SDK1: variants seen among roughly 807,000 people sequenced by gnomAD.
The protein encoded by SDK1 is protein sidekick-1.
Under a neutral mutation model 245.5 loss-of-function variants are expected in SDK1, and 157 were observed. The observed-to-expected ratio is 0.64, with a 90% CI of 0.56 to 0.73. The LOEUF (loss-of-function observed/expected upper bound fraction) is 0.73. SDK1 is among the 30% of genes least tolerant of loss of function. The pLI is 0.00. For synonymous variants in SDK1, 1,647 were observed against 1,278.5 expected, an observed-to-expected ratio of 1.29 and a Z score of -6.15; for missense variants, 3,583 against 3,002.3, an observed-to-expected ratio of 1.19 and a Z score of -4.52.
chr7:4,146,188 G>A (rs558587037), intron 29 of SDK1, among the ~76,000 whole-genome samples: 5 of 151,366 alleles, frequency 3.3e-5, no homozygotes, highest in South Asian at 4.2e-4. Flanking sequence ...TGCTCTCTCC[G>A]ACACGTGAGC....
At chr7:3,366,959 C>G (rs1362316097) in intron 1 of SDK1, among the ~76,000 whole-genome samples, 2 of 152,144 alleles carry the variant, frequency 1.3e-5, no homozygotes, top group East Asian at 1.9e-4. Flanking sequence ...CCAGGATGGT[C>G]TCGATCTCCT....
chr7:4,257,541 G>C (rs1401131095), intron 44 of SDK1, among the ~76,000 whole-genome samples: 1 of 152,210 alleles, frequency 6.6e-6, no homozygotes, highest in African/African-American at 2.4e-5. Context: ...TTCTCAAAGA[G>C]GCAATGACAG....
Position 3,354,042 on chromosome 7 carries a change from G to C in SDK1, c.298+52158G>C, listed in dbSNP as rs555203788. Among the ~76,000 whole-genome samples, 18 of 151,054 alleles carry C rather than the reference G, an allele frequency of 1.2e-4. 1 individual carries two copies. Among genetic ancestry groups the C allele is most frequent in the African/African-American group, 4.1e-4 (17 of 41,094 alleles). ...GACTCTCGCTCTGTTGCCCAGGCTG[G>C]AGTGCAGTGGCGAGATCTCGGCTCG... On this transcript the variant is annotated intron_variant, in intron 1 of 44. Coordinates refer to ENST00000404826, the MANE Select transcript of SDK1 (RefSeq NM_152744.4).
chr7:4,259,966 C>G (rs2128243197), intron 44 of SDK1, among the ~76,000 whole-genome samples: 1 of 152,338 alleles, frequency 6.6e-6, no homozygotes, highest in Admixed American at 6.5e-5. Flanking sequence ...TCATAGGATC[C>G]TCAGCCAGTT....
In SDK1 at chr7:3,301,508, C is replaced by G. The variant is rs1307161690; in HGVS notation, c.-79C>G. On this transcript the variant is annotated 5_prime_UTR_variant, in exon 1 of 45. Coordinates refer to ENST00000404826, the MANE Select transcript of SDK1 (RefSeq NM_152744.4). ...GGGCGCCGCGCCTCCCGCGGAGTGG[C>G]CGCGCCCGCTCGGAGCCGTCCCGCC... The G allele has an allele frequency of 6.1e-5, 29 of 471,994 alleles. No homozygotes were observed. The Admixed American group carries it at 1.5e-3, about 24-fold the overall frequency. The allele number at this position is 471,994 out of a possible 1,614,324, so 29.2% of individuals were successfully genotyped here.
At chr7:4,200,232 A>T (rs923322328) in intron 35 of SDK1, among the ~76,000 whole-genome samples, 3 of 152,206 alleles carry the variant, frequency 2.0e-5, no homozygotes, top group African/African-American at 4.8e-5. Flanking sequence ...CACCCACACC[A>T]TGAAATCCAA....
intron 5 of SDK1, among the ~76,000 whole-genome samples, chr7:3,868,922 C>T (rs935743241): frequency 6.6e-6 from 1 of 152,140 alleles, no homozygotes; most frequent in Non-Finnish European, 1.5e-5. Context: ...AGTATCATTG[C>T]TCCGTATGAG....
chr7:4,155,710 C>A (rs901691371), intron 30 of SDK1, among the ~76,000 whole-genome samples: 1 of 152,174 alleles, frequency 6.6e-6, no homozygotes, highest in African/African-American at 2.4e-5. Flanking sequence ...AGGCAACCCC[C>A]CACCCCAGCC....
intron 1 of SDK1, among the ~76,000 whole-genome samples, chr7:3,558,808 C>A (rs10253359): frequency 6.6e-6 from 1 of 152,188 alleles, no homozygotes; most frequent in African/African-American, 2.4e-5. Flanking sequence ...AATGACAAGG[C>A]AGTCTATATT....
chr7:4,150,232 G>C (rs939647313), intron 30 of SDK1, among the ~76,000 whole-genome samples: 3 of 152,282 alleles, frequency 2.0e-5, no homozygotes, highest in Middle Eastern at 3.4e-3. Flanking sequence ...CTGGTTCGCA[G>C]GCCCTGCCTG....
At chr7:3,344,470 C>A (rs963495455) in intron 1 of SDK1, among the ~76,000 whole-genome samples, 1 of 152,128 alleles carries the variant, frequency 6.6e-6, no homozygotes, top group Non-Finnish European at 1.5e-5. Flanking sequence ...AGAACAGTTT[C>A]TCTTGCAGTT....
intron 44 of SDK1, among the ~76,000 whole-genome samples, chr7:4,248,864 C>T (rs917224736): frequency 3.3e-5 from 5 of 152,070 alleles, no homozygotes; most frequent in South Asian, 2.1e-4. Context: ...CATATATACA[C>T]GTGCATGCAT....
intron 5 of SDK1, among the ~76,000 whole-genome samples, chr7:3,879,397 G>C (rs1410429951): frequency 6.6e-6 from 1 of 152,234 alleles, no homozygotes; most frequent in Non-Finnish European, 1.5e-5. Flanking sequence ...GAAGTCTGCA[G>C]AGAGTGAGAA....
At chr7:3,613,992 G>T (rs193167261) in intron 1 of SDK1, among the ~76,000 whole-genome samples, 3 of 152,120 alleles carry the variant, frequency 2.0e-5, no homozygotes, top group African/African-American at 7.2e-5. Flanking sequence ...GGATGAGAGC[G>T]GGGAGAGGAT....
chr7:3,529,535 G>C (rs901923297), intron 1 of SDK1, among the ~76,000 whole-genome samples: 1 of 152,092 alleles, frequency 6.6e-6, no homozygotes, highest in Non-Finnish European at 1.5e-5. Context: ...AAATAAATGG[G>C]AGAGAAGCAA....
chr7:3,791,305 G>A (rs1026710794), intron 4 of SDK1, among the ~76,000 whole-genome samples: 13 of 152,178 alleles, frequency 8.5e-5, no homozygotes, highest in African/African-American at 3.1e-4. Flanking sequence ...AGTAGGAGTT[G>A]TGGAAACAGA....
At chr7:4,116,378 C>T (rs1005475975) in intron 25 of SDK1, among the ~76,000 whole-genome samples, 3 of 152,144 alleles carry the variant, frequency 2.0e-5, no homozygotes, top group Non-Finnish European at 2.9e-5. Flanking sequence ...GGTCCAGCAG[C>T]GCCCAGCACA....
intron 4 of SDK1, among the ~76,000 whole-genome samples, chr7:3,807,929 T>G (rs2115043334): frequency 6.6e-6 from 1 of 152,286 alleles, no homozygotes; most frequent in East Asian, 1.9e-4. Context: ...AATATCTCGT[T>G]TAATTCTCCT....
intron 1 of SDK1, among the ~76,000 whole-genome samples, chr7:3,473,580 C>A (rs1781249278): frequency 6.6e-6 from 1 of 152,188 alleles, no homozygotes; most frequent in Non-Finnish European, 1.5e-5. Flanking sequence ...CCTAAATGAC[C>A]TCCAAAAAGG....
Sources: allele counts gnomAD v4.1 joint callset (sites outside exome capture counted in the v4.1 genomes callset), GRCh38; gene constraint gnomAD v4.1.1; transcripts MANE v1.5; gene names NCBI Gene and HGNC (gene_info 2026-07-23, HGNC 2026-07-21).